Variants in PPP6R3 observed in about 807,000 individuals in gnomAD.
PPP6R3 encodes serine/threonine-protein phosphatase 6 regulatory subunit 3.
PPP6R3 carries 38 observed loss-of-function variants against 110.7 expected under a neutral mutation model. That is an observed-to-expected ratio of 0.34 (90% confidence interval 0.26 to 0.45). The LOEUF (loss-of-function observed/expected upper bound fraction) is 0.45. Among genes scored for constraint, PPP6R3 ranks in the 20% least tolerant of loss-of-function variants. PPP6R3 has a pLI of 1.00. For missense variants in PPP6R3, 870 were observed against 1,062.4 expected, an observed-to-expected ratio of 0.82 and a Z score of 2.52; for synonymous variants, 369 against 373.5, an observed-to-expected ratio of 0.99 and a Z score of 0.14.
At chr11:68,542,389 GTTTTTTTTT>G (rs34666175) in intron 3 of PPP6R3, among the ~76,000 whole-genome samples, 3 of 40,188 alleles carry the variant, frequency 7.5e-5, no homozygotes, top group South Asian at 1.8e-3. Context: ...AGAAGCTGCT[GTTTTTTTTT>G]TTTTTTTTTT....
At chr11:68,477,741 A>AAAAAAATATATATATATATATAT in intron 1 of PPP6R3, among the ~76,000 whole-genome samples, 3 of 57,908 alleles carry the variant, frequency 5.2e-5, no homozygotes, top group Admixed American at 2.0e-4. Context: ...AAAAAAAAAA[A>AAAAAAATATATATATATATATAT]ATATATATAT....
In PPP6R3 at chr11:68,541,328, C is replaced by T. The variant is rs546005628; in HGVS notation, c.227+3437C>T. ...CTGTAGGAGGACAGAAGTGGAAGTA[C>T]AGTTGGCTGCAGTGATCAGCAGAGA... On this transcript the variant is annotated intron_variant, in intron 3 of 23. Coordinates refer to ENST00000393800, the MANE Select transcript of PPP6R3 (RefSeq NM_001164161.2). Among the ~76,000 whole-genome samples the T allele has an allele frequency of 9.2e-5, 14 of 152,230 alleles. No individual in the cohort carries two copies. The East Asian group carries it at 2.7e-3, about 29-fold the overall frequency.
intron 1 of PPP6R3, among the ~76,000 whole-genome samples, chr11:68,481,258 A>C (rs2098908958): frequency 6.6e-6 from 1 of 152,134 alleles, no homozygotes; most frequent in African/African-American, 2.4e-5. Flanking sequence ...CTAGTACTGG[A>C]GTTCATTTTG....
intron 5 of PPP6R3, among the ~76,000 whole-genome samples, chr11:68,549,680 A>G (rs2099363213): frequency 6.6e-6 from 1 of 152,012 alleles, no homozygotes; most frequent in Non-Finnish European, 1.5e-5. Flanking sequence ...ATAGGGAGAG[A>G]TTTATTCAGG....
intron 1 of PPP6R3, among the ~76,000 whole-genome samples, chr11:68,461,680 T>TGAC (rs1456909066): frequency 2.0e-5 from 3 of 152,224 alleles, no homozygotes; most frequent in Admixed American, 2.0e-4. Context: ...TTCAACCGCG[T>TGAC]GACTTAATGT....
At chr11:68,570,920 A>C in intron 11 of PPP6R3, 120 bp from the exon 12 acceptor site, 1 of 1,251,614 alleles carries the variant, frequency 8.0e-7, no homozygotes, top group Non-Finnish European at 1.1e-6. Context: ...CATTTGGCTT[A>C]GTAACATTTA....
chr11:68,587,565 T>C (rs1294923420), intron 15 of PPP6R3: 1 of 276,522 alleles, frequency 3.6e-6, no homozygotes, highest in East Asian at 1.0e-4. Flanking sequence ...ATAAAGTTGG[T>C]TGTGTCCAGA....
intron 1 of PPP6R3, among the ~76,000 whole-genome samples, chr11:68,508,755 AAGAAG>A (rs1386131815): frequency 1.3e-5 from 2 of 152,144 alleles, no homozygotes; most frequent in African/African-American, 4.8e-5. Context: ...CAGTACTGAA[AAGAAG>A]AGAAATCTTT....
intron 19 of PPP6R3, among the ~76,000 whole-genome samples, chr11:68,599,917 A>T (rs543602723): frequency 7.3e-4 from 111 of 152,232 alleles, no homozygotes; most frequent in Non-Finnish European, 1.1e-3. Context: ...AGGTCGGGAT[A>T]TTGAGACCAT....
At chr11:68,591,363 C>T (rs1014631715) in intron 17 of PPP6R3, among the ~76,000 whole-genome samples, 41 of 152,242 alleles carry the variant, frequency 2.7e-4, no homozygotes, top group African/African-American at 9.9e-4. Flanking sequence ...CTTCTTTTTG[C>T]TAGTCTTTTT....
intron 1 of PPP6R3, among the ~76,000 whole-genome samples, chr11:68,517,645 T>G (rs952455109): frequency 1.3e-5 from 2 of 152,130 alleles, no homozygotes; most frequent in African/African-American, 4.8e-5. Context: ...GAATGAATAA[T>G]GATGTTAATT....
intron 19 of PPP6R3, among the ~76,000 whole-genome samples, chr11:68,599,055 C>A (rs1035612854): frequency 6.6e-6 from 1 of 152,206 alleles, no homozygotes; most frequent in African/African-American, 2.4e-5. Flanking sequence ...AAGTCACAGT[C>A]AAGTCTGTCT....
chr11:68,517,685 C>T (rs938031637), intron 1 of PPP6R3, among the ~76,000 whole-genome samples: 1 of 152,170 alleles, frequency 6.6e-6, no homozygotes, highest in African/African-American at 2.4e-5. Context: ...CACCTATAAT[C>T]CCAGAACTTT....
intron 1 of PPP6R3, among the ~76,000 whole-genome samples, chr11:68,504,436 C>T (rs2099064532): frequency 6.6e-6 from 1 of 152,140 alleles, no homozygotes; most frequent in South Asian, 2.1e-4. Flanking sequence ...ATTCCTTTCT[C>T]CAGATACCTG....
chr11:68,512,114 A>G (rs746282342), intron 1 of PPP6R3, among the ~76,000 whole-genome samples: 10 of 152,186 alleles, frequency 6.6e-5, no homozygotes, highest in Non-Finnish European at 1.3e-4. Context: ...TGGTTGATAA[A>G]GTTTGACTGT....
intron 1 of PPP6R3, chr11:68,515,286 T>TA: frequency 6.5e-6 from 1 of 154,712 alleles, no homozygotes; most frequent in Non-Finnish European, 1.4e-5. Flanking sequence ...AAAGGACACA[T>TA]ACTTTGTTGA....
At chr11:68,573,959 C>G (rs985372112) in intron 12 of PPP6R3, 150 bp from the exon 13 acceptor site, 2 of 575,562 alleles carry the variant, frequency 3.5e-6, no homozygotes, top group Non-Finnish European at 6.2e-6. Context: ...CCTTCCATTC[C>G]TTTGTTTTTC....
chr11:68,491,328 CTGTGTGTGTGTGTGTGTGTGTGTG>C (rs60972668), intron 1 of PPP6R3, among the ~76,000 whole-genome samples: 60 of 123,566 alleles, frequency 4.9e-4, no homozygotes, highest in South Asian at 3.8e-3. Context: ...GTGTCTTCAG[CTGTGTGTGTGTGTGTGTGTGTGTG>C]TGTGTGTGTG....
chr11:68,470,365 G>A (rs955769340), intron 1 of PPP6R3, among the ~76,000 whole-genome samples: 8 of 152,090 alleles, frequency 5.3e-5, no homozygotes, highest in African/African-American at 1.9e-4. Context: ...AGCAGGACAA[G>A]GTGCTAAGAA....
Sources: allele counts gnomAD v4.1 joint callset (sites outside exome capture counted in the v4.1 genomes callset), GRCh38; gene constraint gnomAD v4.1.1; transcripts MANE v1.5; gene names NCBI Gene and HGNC (gene_info 2026-07-23, HGNC 2026-07-21).